Variants in NEGR1 observed in about 807,000 individuals in gnomAD.
NEGR1 encodes IgLON family member 4.
NEGR1 carries 10 observed loss-of-function variants against 40.9 expected under a neutral mutation model. The observed-to-expected ratio is 0.24, with a 90% CI of 0.15 to 0.42. NEGR1 has a LOEUF of 0.42. NEGR1 is among the 10% of genes least tolerant of loss of function. NEGR1 has a pLI of 1.00. For missense variants in NEGR1, 352 were observed against 438.9 expected (o/e 0.80, Z 1.77); for synonymous variants, 185 against 166.8 (o/e 1.11, Z -0.84).
At chr1:71,557,298 G>A (rs1306561391) in intron 6 of NEGR1, among the ~76,000 whole-genome samples, 1 of 151,574 alleles carries the variant, frequency 6.6e-6, no homozygotes, top group Non-Finnish European at 1.5e-5. Context: ...TGGCATGTGA[G>A]GGCTTGGAAC....
chr1:71,729,868 T>A (rs1218625983), intron 3 of NEGR1, among the ~76,000 whole-genome samples: 1 of 150,780 alleles, frequency 6.6e-6, no homozygotes, highest in Non-Finnish European at 1.5e-5. Flanking sequence ...TTTGTAAAGA[T>A]GGGGTTTTTC....
intron 4 of NEGR1, among the ~76,000 whole-genome samples, chr1:71,654,403 T>G: frequency 6.6e-6 from 1 of 152,236 alleles, no homozygotes; most frequent in Admixed American, 6.5e-5. Flanking sequence ...GACAAAATAT[T>G]AATAATACCG....
chr1:71,884,162 C>T (rs1402260672), intron 2 of NEGR1, among the ~76,000 whole-genome samples: 3 of 152,256 alleles, frequency 2.0e-5, no homozygotes, highest in African/African-American at 7.2e-5. Flanking sequence ...CCATCTCTTT[C>T]CTAACACTGT....
rs563208294 is a variant in NEGR1, at chr1:71,666,121, C to T, written c.667+31887G>A. ...ATCACTGTTCCTCCATGTGAATGCA[C>T]AAATGAACGTAAATACTTCAGATAA... is the stretch of plus-strand genomic sequence containing the variant. On this transcript the variant is annotated intron_variant, in intron 4 of 6. Transcript: ENST00000357731. 3.9e-5 allele frequency among the ~76,000 whole-genome samples: 6 copies of T among 152,274 alleles called. No individual in the cohort carries two copies. In the South Asian group the frequency reaches 1.2e-3, roughly 32 times the overall value.
intron 6 of NEGR1, among the ~76,000 whole-genome samples, chr1:71,535,920 C>T (rs575495307): frequency 1.3e-5 from 2 of 151,730 alleles, no homozygotes; most frequent in South Asian, 4.1e-4. Flanking sequence ...ATAACAGTTC[C>T]TATTTTATAG....
At chr1:71,407,616 T>A in intron 6 of NEGR1, 46 bp from the exon 7 acceptor site, 1 of 1,597,160 alleles carries the variant, frequency 6.3e-7, no homozygotes, top group Non-Finnish European at 8.6e-7. Context: ...ATTTGTGTCT[T>A]CCAGGATCTT....
intron 1 of NEGR1, among the ~76,000 whole-genome samples, chr1:72,105,201 G>A (rs1450935471): frequency 6.6e-6 from 1 of 151,978 alleles, no homozygotes; most frequent in African/African-American, 2.4e-5. Context: ...ACATGTATCT[G>A]ATTTTACATC....
In NEGR1 at chr1:72,258,591, T is replaced by C. The variant is rs200550940; in HGVS notation, c.176+23728A>G. Among the ~76,000 whole-genome samples the C allele has an allele frequency of 3.8e-4, 58 of 152,254 alleles. No homozygotes were observed. In the East Asian group the frequency reaches 9.6e-3, roughly 25 times the overall value. ...AAAATAAAATTAGCTAGACACTGGA[T>C]TCCACGGGGCAATTAAATAACTAAA... On this transcript the variant is annotated intron_variant, in intron 1 of 6. Coordinates refer to ENST00000357731, the MANE Select transcript of NEGR1 (RefSeq NM_173808.3).
intron 4 of NEGR1, among the ~76,000 whole-genome samples, chr1:71,615,483 G>A (rs747505253): frequency 9.2e-5 from 14 of 152,158 alleles, no homozygotes; most frequent in African/African-American, 2.2e-4. Flanking sequence ...TTGGCAATTC[G>A]TAGAAAATTA....
At chr1:71,783,859 C>CATCT (rs1045463626) in intron 2 of NEGR1, among the ~76,000 whole-genome samples, 6 of 135,508 alleles carry the variant, frequency 4.4e-5, no homozygotes, top group Admixed American at 3.2e-4. Context: ...TCCATCCATC[C>CATCT]ATCCATCCAT....
At chr1:72,131,985 C>G (rs543173121) in intron 1 of NEGR1, among the ~76,000 whole-genome samples, 10 of 152,108 alleles carry the variant, frequency 6.6e-5, no homozygotes, top group Non-Finnish European at 1.3e-4. Context: ...TATAGAGCCA[C>G]CTACTTGGGG....
intron 1 of NEGR1, among the ~76,000 whole-genome samples, chr1:72,200,605 C>A (rs534612418): frequency 6.6e-6 from 1 of 151,626 alleles, no homozygotes; most frequent in Non-Finnish European, 1.5e-5. Context: ...GAAATGTACC[C>A]GTGTAAAAAA....
At chr1:72,008,824 A>AC (rs1274929021) in intron 1 of NEGR1, among the ~76,000 whole-genome samples, 5 of 152,054 alleles carry the variant, frequency 3.3e-5, no homozygotes, top group Non-Finnish European at 7.4e-5. Context: ...CATTAGAATG[A>AC]CCCATAGCAT....
intron 1 of NEGR1, among the ~76,000 whole-genome samples, chr1:71,991,653 T>G (rs887839802): frequency 6.6e-6 from 1 of 150,818 alleles, no homozygotes; most frequent in African/African-American, 2.4e-5. Context: ...TGATATCTGC[T>G]TACCTACTTA....
intron 5 of NEGR1, among the ~76,000 whole-genome samples, chr1:71,603,481 GT>G (rs1378745953): frequency 5.3e-5 from 8 of 152,122 alleles, no homozygotes; most frequent in Admixed American, 5.2e-4. Flanking sequence ...AAAAGATACA[GT>G]TTTTATTATC....
chr1:71,704,617 G>C (rs997876191), intron 3 of NEGR1, among the ~76,000 whole-genome samples: 1 of 151,454 alleles, frequency 6.6e-6, no homozygotes, highest in Non-Finnish European at 1.5e-5. Flanking sequence ...TGAATATTTA[G>C]TATATGCAAT....
At chr1:71,832,370 A>G (rs947782351) in intron 2 of NEGR1, among the ~76,000 whole-genome samples, 1 of 151,926 alleles carries the variant, frequency 6.6e-6, no homozygotes, top group African/African-American at 2.4e-5. Flanking sequence ...TTGTCTCTAG[A>G]TTTTTCTTGC....
chr1:72,210,600 T>C (rs968020083), intron 1 of NEGR1, among the ~76,000 whole-genome samples: 2 of 151,904 alleles, frequency 1.3e-5, no homozygotes, highest in Admixed American at 1.3e-4. Flanking sequence ...AGTTGAAGAT[T>C]TGAATTTCTG....
intron 1 of NEGR1, among the ~76,000 whole-genome samples, chr1:72,176,459 G>A (rs935667296): frequency 2.6e-5 from 4 of 151,974 alleles, no homozygotes; most frequent in South Asian, 2.1e-4. Flanking sequence ...AAAATGCAAG[G>A]TAGTCGATGA....
Sources: allele counts gnomAD v4.1 joint callset (sites outside exome capture counted in the v4.1 genomes callset), GRCh38; gene constraint gnomAD v4.1.1; transcripts MANE v1.5; gene names NCBI Gene and HGNC (gene_info 2026-07-23, HGNC 2026-07-21).